Variants in PPFIBP2 observed in about 807,000 individuals in gnomAD.
The protein encoded by PPFIBP2 is liprin-beta-2.
Under a neutral mutation model 118.3 loss-of-function variants are expected in PPFIBP2, and 118 were observed. The observed-to-expected ratio is 1.00, with a 90% confidence interval of 0.86 to 1.16. The LOEUF is 1.16. PPFIBP2 is among the 50% of genes most tolerant of loss of function. The pLI is 0.00. For missense variants in PPFIBP2, 1,195 were observed against 1,073.1 expected, an observed-to-expected ratio of 1.11 and a Z score of -1.59; for synonymous variants, 414 against 397.4, an observed-to-expected ratio of 1.04 and a Z score of -0.50.
intron 1 of PPFIBP2, among the ~76,000 whole-genome samples, chr11:7,543,516 G>A (rs1851998591): frequency 6.6e-6 from 1 of 152,222 alleles, no homozygotes; most frequent in Admixed American, 6.5e-5. Context: ...TGGCTCAACT[G>A]TGTCCAAGGC....
At chr11:7,597,534 C>A (rs1860572490) in intron 4 of PPFIBP2, 26 bp from the exon 5 acceptor site, 2 of 1,600,512 alleles carry the variant, frequency 1.2e-6, no homozygotes, top group African/African-American at 1.3e-5. Context: ...CCTGGTCCTC[C>A]ACCATTGCTT....
rs114918292 is a variant in PPFIBP2, at chr11:7,552,502, G to T, written c.64+2963G>T. Among the ~76,000 whole-genome samples the T allele has an allele frequency of 4.6e-5, 7 of 152,230 alleles. No homozygotes were observed. The South Asian group carries it at 1.2e-3, about 27-fold the overall frequency. On this transcript the variant is annotated intron_variant, in intron 2 of 23. Coordinates refer to ENST00000299492, the MANE Select transcript of PPFIBP2 (RefSeq NM_003621.5). ...CCAGGGTCTGCAGATTTAATACGTG[G>T]TCTTCTGATTGCTCTCTGCATCTGT...
chr11:7,525,146 G>T (rs1012017102), intron 1 of PPFIBP2, among the ~76,000 whole-genome samples: 1 of 152,154 alleles, frequency 6.6e-6, no homozygotes, highest in Non-Finnish European at 1.5e-5. Context: ...CCAGCATGAG[G>T]ACTTGGCCTC....
chr11:7,543,962 A>T (rs1852037364), intron 1 of PPFIBP2, among the ~76,000 whole-genome samples: 1 of 152,136 alleles, frequency 6.6e-6, no homozygotes, highest in African/African-American at 2.4e-5. Flanking sequence ...GCCATTCTAA[A>T]ACATGGCTTT....
intron 11 of PPFIBP2, chr11:7,632,659 G>T: frequency 2.0e-6 from 1 of 504,624 alleles, no homozygotes; most frequent in Non-Finnish European, 3.6e-6. Context: ...GTCCAGGAAG[G>T]AGAGGCAAGC....
chr11:7,537,065 C>A (rs1390506759), intron 1 of PPFIBP2, among the ~76,000 whole-genome samples: 1 of 152,054 alleles, frequency 6.6e-6, no homozygotes, highest in African/African-American at 2.4e-5. Context: ...CTTCAGGTCC[C>A]CGCCTCCTCC....
chr11:7,649,322 C>T (rs1384582252), intron 20 of PPFIBP2, 87 bp downstream of exon 20: 1 of 1,348,934 alleles, frequency 7.4e-7, no homozygotes, highest in East Asian at 2.3e-5. Flanking sequence ...AACTTGATTC[C>T]ATATATTCTT....
chr11:7,548,864 C>T (rs1161380703), intron 1 of PPFIBP2, among the ~76,000 whole-genome samples: 1 of 152,104 alleles, frequency 6.6e-6, no homozygotes, highest in African/African-American at 2.4e-5. Context: ...ATCCTTGTGG[C>T]CTGTAGACTT....
At chr11:7,640,403 T>C (rs1852016158) in intron 15 of PPFIBP2, among the ~76,000 whole-genome samples, 1 of 152,228 alleles carries the variant, frequency 6.6e-6, no homozygotes, top group East Asian at 1.9e-4. Context: ...GCAGGTATCC[T>C]TTCGGTGCGT....
chr11:7,638,062 C>T, intron 14 of PPFIBP2, among the ~76,000 whole-genome samples: 1 of 152,240 alleles, frequency 6.6e-6, no homozygotes, highest in East Asian at 1.9e-4. Flanking sequence ...AGGTCTCTAA[C>T]ATCTTTGAAC....
At chr11:7,592,731 T>G (rs1282131304) in intron 3 of PPFIBP2, among the ~76,000 whole-genome samples, 1 of 152,202 alleles carries the variant, frequency 6.6e-6, no homozygotes, top group East Asian at 1.9e-4. Context: ...GCTGTTCCCA[T>G]GTAGTCCCTT....
chr11:7,626,370 T>C (rs1239569726), intron 8 of PPFIBP2, among the ~76,000 whole-genome samples: 1 of 152,242 alleles, frequency 6.6e-6, no homozygotes, highest in African/African-American at 2.4e-5. Flanking sequence ...TTTCAAATCT[T>C]ACTTCTCAGA....
At chr11:7,531,898 C>T (rs115091423) in intron 1 of PPFIBP2, among the ~76,000 whole-genome samples, 1,705 of 152,006 alleles carry the variant, frequency 0.011, 45 homozygotes, top group African/African-American at 0.039. Context: ...CGCAGTGGCA[C>T]GATCTTGGCT....
chr11:7,551,582 C>A (rs565287275), intron 2 of PPFIBP2, among the ~76,000 whole-genome samples: 1 of 152,118 alleles, frequency 6.6e-6, no homozygotes, highest in African/African-American at 2.4e-5. Flanking sequence ...TGTTGGCTAC[C>A]TTTTGCCTCT....
chr11:7,615,953 C>A (rs1333457035), intron 6 of PPFIBP2, among the ~76,000 whole-genome samples: 1 of 152,130 alleles, frequency 6.6e-6, no homozygotes, highest in Non-Finnish European at 1.5e-5. Context: ...TGCAATCTCA[C>A]AGATAATACC....
rs11041478 is a variant in PPFIBP2, at chr11:7,608,114, C to T, written c.487-2177C>T. 7.7e-3 allele frequency among the ~76,000 whole-genome samples: 1,179 copies of T among 152,264 alleles called. 25 individuals are homozygous for T. Among genetic ancestry groups the T allele is most frequent in the African/African-American group, 0.027 (1,126 of 41,544 alleles). On this transcript the variant is annotated intron_variant, in intron 5 of 23. Coordinates refer to ENST00000299492, the MANE Select transcript of PPFIBP2 (RefSeq NM_003621.5). ...ACACTCAGGGAAGAACTGCTTAAGG[C>T]CCTTTGTGGCCTGCATAGCCTTAGC...
intron 5 of PPFIBP2, 35 bp downstream of exon 5, chr11:7,597,708 G>A (rs748409270): frequency 1.4e-5 from 21 of 1,539,622 alleles, no homozygotes; most frequent in South Asian, 5.7e-5. Context: ...CTTGGGTGCC[G>A]AAGCAGCTCA....
chr11:7,651,662 G>A lies in PPFIBP2; in HGVS notation c.2254G>A (p.Glu752Lys). Reference protein sequence around the residue: ...SGVHGGLIILEPRFTGDTLAM... With the variant: ...SGVHGGLIILKPRFTGDTLAM... ...GTCTCTGGTTCCTTCTTAGATCCTG[G>A]AGCCACGCTTCACTGGGGACACCCT... The change falls in exon 23 of 24, where the codon GAG becomes AAG. Residue 752 changes from glutamate to lysine, a missense_variant. Glu to Lys is a moderately conservative substitution (Grantham distance 56). Coordinates refer to ENST00000299492, the MANE Select transcript of PPFIBP2 (RefSeq NM_003621.5). 1 of 1,603,766 alleles carries A rather than the reference G, an allele frequency of 6.2e-7. No homozygotes were observed. The highest frequency in any genetic ancestry group is 8.5e-7 in the Non-Finnish European group (1 of 1,172,146).
intron 2 of PPFIBP2, among the ~76,000 whole-genome samples, chr11:7,554,771 G>A (rs1853397764): frequency 6.9e-6 from 1 of 144,830 alleles, no homozygotes; most frequent in South Asian, 2.1e-4. Context: ...AAATCTGAAT[G>A]GCTGAATCCC....
Sources: allele counts gnomAD v4.1 joint callset (sites outside exome capture counted in the v4.1 genomes callset), GRCh38; gene constraint gnomAD v4.1.1; transcripts MANE v1.5; gene names NCBI Gene and HGNC (gene_info 2026-07-23, HGNC 2026-07-21).